The following GATA4 variants were observed in gnomAD, a reference collection of about 807,000 sequenced individuals.
GATA4 encodes GATA binding protein 4.
A neutral mutation model predicts 37.9 loss-of-function variants in GATA4; 7 were observed. The observed-to-expected ratio is 0.18, with a 90% confidence interval of 0.11 to 0.35. The LOEUF is 0.35. Ranked by LOEUF, GATA4 falls within the 10% of genes least tolerant of loss-of-function variation. The pLI is 1.00. For missense variants in GATA4, 647 were observed against 653.0 expected, an observed-to-expected ratio of 0.99 and a Z score of 0.10; for synonymous variants, 372 against 292.6, an observed-to-expected ratio of 1.27 and a Z score of -2.77.
intron 1 of GATA4, among the ~76,000 whole-genome samples, chr8:11,683,363 C>A (rs768764675): frequency 6.6e-6 from 1 of 152,172 alleles, no homozygotes; most frequent in African/African-American, 2.4e-5. Context: ...TTGCTGATGC[C>A]GGTAAATAGT....
intron 2 of GATA4, among the ~76,000 whole-genome samples, chr8:11,732,316 G>A (rs897324795): frequency 1.3e-5 from 2 of 152,248 alleles, no homozygotes; most frequent in South Asian, 2.1e-4. Context: ...TATTGTCATC[G>A]AACTATTCTC....
At position 11,695,500 on chromosome 8, in the gene GATA4, C is replaced by A. The variant is rs1354961130; in HGVS notation, c.-729+2840C>A. ...AGAAAAGGCCATGTTTCACTGACTGCTTTTCCCTTAGTCCATTCAGAAATA... is the reference window on the plus strand; with the variant it reads ...AGAAAAGGCCATGTTTCACTGACTGATTTTCCCTTAGTCCATTCAGAAATA... On this transcript the variant is annotated intron_variant, in intron 1 of 2. Transcript: ENST00000526974. Among the ~76,000 whole-genome samples, 3 of 152,220 alleles carry A rather than the reference C, an allele frequency of 2.0e-5. No homozygotes were observed. In the South Asian group the frequency reaches 6.2e-4, roughly 31 times the overall value.
chr8:11,753,626 T>G (rs1802411178), intron 4 of GATA4, among the ~76,000 whole-genome samples: 1 of 149,086 alleles, frequency 6.7e-6, no homozygotes. Context: ...TTCCACAAGG[T>G]GGGAAATAGG....
At chr8:11,756,126 T>C (rs901000804) in intron 5 of GATA4, among the ~76,000 whole-genome samples, 8 of 152,184 alleles carry the variant, frequency 5.3e-5, no homozygotes, top group Admixed American at 1.3e-4. Context: ...AAGATTTGAC[T>C]GGTCGGTGCT....
At chr8:11,756,810 G>A in intron 5 of GATA4, 125 bp from the exon 6 acceptor site, 9 of 1,313,348 alleles carry the variant, frequency 6.9e-6, no homozygotes, top group Non-Finnish European at 9.9e-6. Flanking sequence ...AAGGACCTCT[G>A]CTGCTGTCCC....
chr8:11,748,018 A>G (rs1325986524), intron 2 of GATA4, among the ~76,000 whole-genome samples: 1 of 152,178 alleles, frequency 6.6e-6, no homozygotes. Context: ...ATTTGAGGTC[A>G]GGAGTTTGAG....
rs1186562071 is a variant in GATA4 at position 11,708,492 on chromosome 8, C to T, written c.180C>T (p.Gly60=). The change falls in exon 2 of 7, where the codon GGC becomes GGT. Residue 60 remains glycine (G), a synonymous_variant. Coordinates refer to ENST00000532059, the MANE Select transcript of GATA4 (RefSeq NM_001308093.3). This position sits in a 1 kb window ranked among gnomAD's most constrained non-coding sequence, Gnocchi z 6.7. The part of the protein sequence containing the change: ...GLSYLQGGGA[G]SASGGASGGS... ...CCTACCTCCAGGGCGGAGGCGCGGG[C>T]TCTGCGTCCGGAGGCGCCTCGGGCG... 2.0e-6 allele frequency: 3 copies of T among 1,494,052 alleles called. No individual in the cohort carries two copies. Among genetic ancestry groups the T allele is most frequent in the Admixed American group, 4.4e-5 (2 of 45,726 alleles). The allele number at this position is 1,494,052 out of a possible 1,614,324, so 92.5% of individuals were successfully genotyped here.
At chr8:11,742,893 G>A (rs186361836) in intron 2 of GATA4, among the ~76,000 whole-genome samples, 2 of 152,380 alleles carry the variant, frequency 1.3e-5, no homozygotes, top group Admixed American at 1.3e-4. Context: ...TTTGGGTGGG[G>A]CTGAGACTTT....
At chr8:11,752,743 G>A (rs755483690) in intron 4 of GATA4, among the ~76,000 whole-genome samples, 3 of 152,184 alleles carry the variant, frequency 2.0e-5, no homozygotes, top group Non-Finnish European at 4.4e-5. Flanking sequence ...TAGAGTGAGA[G>A]GGCTGTTGTT....
chr8:11,682,992 GT>G (rs1313527951), intron 1 of GATA4: 1 of 892,432 alleles, frequency 1.1e-6, no homozygotes, highest in Non-Finnish European at 1.3e-6. Flanking sequence ...TTCAGAGAAA[GT>G]TCTGGGAAGA....
At chr8:11,752,379 C>T (rs1014068296) in intron 4 of GATA4, among the ~76,000 whole-genome samples, 2 of 152,176 alleles carry the variant, frequency 1.3e-5, no homozygotes, top group African/African-American at 2.4e-5. Flanking sequence ...GGAGGCCTCA[C>T]AATCATGGCG....
intron 2 of GATA4, among the ~76,000 whole-genome samples, chr8:11,744,627 C>T (rs1376871213): frequency 1.3e-5 from 2 of 152,188 alleles, no homozygotes; most frequent in Non-Finnish European, 2.9e-5. Context: ...GTAGGGCCAA[C>T]GTTTTCCTCT....
chr8:11,688,540 A>T (rs1799213639), upstream of GATA4, among the ~76,000 whole-genome samples: 2 of 151,926 alleles, frequency 1.3e-5, no homozygotes, highest in Non-Finnish European at 2.9e-5. Flanking sequence ...ACACACACAC[A>T]CACACACACA....
chr8:11,693,545 A>G (rs900448707), intron 1 of GATA4, among the ~76,000 whole-genome samples: 1 of 115,158 alleles, frequency 8.7e-6, no homozygotes, highest in African/African-American at 3.3e-5. Context: ...ACACACACAC[A>G]CACACACACA....
intron 1 of GATA4, chr8:11,692,852 T>C: frequency 2.0e-6 from 2 of 980,594 alleles, no homozygotes. Context: ...GGCCGGGGGC[T>C]GACCCCGAGC....
In GATA4 at chr8:11,758,339, C is replaced by A. The variant is rs1185861796; in HGVS notation, c.1196C>A (p.Pro399His). 3 of 1,614,070 alleles carry A rather than the reference C, an allele frequency of 1.9e-6. No homozygotes were observed. The Admixed American group carries it at 5.0e-5, about 27-fold the overall frequency. ...AMSGHGPSIH[P>H]VLSALKLSPQ... The stretch of plus-strand genomic sequence containing the variant: ...TCTGGCCATGGGCCCTCCATCCACC[C>A]TGTCCTCTCGGCCCTGAAGCTCTCC... Residue 399 changes from proline to histidine, a missense_variant, in exon 7 of 7, where the codon CCT becomes CAT. Around this residue, in one of 5 missense-constraint regions of GATA4, gnomAD observed 184 missense variants for 157.1 expected, o/e 1.17. Coordinates refer to ENST00000532059, the MANE Select transcript of GATA4 (RefSeq NM_001308093.3).
intron 1 of GATA4, chr8:11,698,093 C>A (rs549847975): frequency 3.6e-6 from 3 of 823,382 alleles, no homozygotes; most frequent in Non-Finnish European, 4.4e-6. Context: ...TTCTGGCGTC[C>A]GTCCTCTCCC....
chr8:11,690,169 A>T (rs1009130212), upstream of GATA4, among the ~76,000 whole-genome samples: 2 of 152,220 alleles, frequency 1.3e-5, no homozygotes, highest in Non-Finnish European at 2.9e-5. Flanking sequence ...AGGTGTGAAG[A>T]GGTGCCACGT....
intron 1 of GATA4, among the ~76,000 whole-genome samples, chr8:11,677,537 G>C (rs1481623140): frequency 6.6e-6 from 1 of 152,142 alleles, no homozygotes; most frequent in Non-Finnish European, 1.5e-5. Flanking sequence ...CAAATCCCCT[G>C]GGGTCCCCCG....
Sources: allele counts gnomAD v4.1 joint callset (sites outside exome capture counted in the v4.1 genomes callset), GRCh38; gene constraint gnomAD v4.1.1; regional missense constraint gnomAD v4.1.1; non-coding constraint Gnocchi (gnomAD v3.1); transcripts MANE v1.5; gene names NCBI Gene and HGNC (gene_info 2026-07-23, HGNC 2026-07-21).